The following PCDHGB6 variants were observed in gnomAD, a reference collection of about 807,000 sequenced individuals.
PCDHGB6 encodes the protein protocadherin gamma subfamily B, 6.
PCDHGB6 carries 51 observed loss-of-function variants against 59.1 expected under a neutral mutation model. The observed-to-expected ratio is 0.86, with a 90% CI of 0.69 to 1.09. The LOEUF is 1.09. PCDHGB6 is among the 50% of genes least tolerant of loss of function. PCDHGB6 has a pLI of 0.00. For synonymous variants in PCDHGB6, 466 were observed against 495.1 expected (o/e 0.94, Z 0.78); for missense variants, 1,148 against 1,205.1 (o/e 0.95, Z 0.70).
At position 141,505,629 on chromosome 5, in the gene PCDHGB6, C is replaced by T. The variant is rs1475582931; in HGVS notation, c.2566+148C>T. 7.4e-6 allele frequency: 11 copies of T among 1,482,192 alleles called. No individual in the cohort carries two copies. The African/African-American group carries it at 9.8e-5, about 13-fold the overall frequency. The allele number at this position is 1,482,192 out of a possible 1,614,324, so 91.8% of individuals were successfully genotyped here. ...GTCTGAAAGGACCCACAATTCCAAACATAAAGCCTGGAATTGTGGCTAAGG... is the reference window on the plus strand; with the variant it reads ...GTCTGAAAGGACCCACAATTCCAAATATAAAGCCTGGAATTGTGGCTAAGG... On this transcript the variant is annotated intron_variant, in intron 3 of 3. Coordinates refer to ENST00000520790, the MANE Select transcript of PCDHGB6 (RefSeq NM_018926.3).
intron 1 of PCDHGB6, chr5:141,415,217 GCTTCGAGTCT>G: frequency 2.5e-6 from 4 of 1,614,124 alleles, no homozygotes; most frequent in Non-Finnish European, 3.4e-6. Context: ...GACCTCGGCA[GCTTCGAGTCT>G]CCAGCTAACT....
chr5:141,423,095 A>ACG (rs2096709208), intron 1 of PCDHGB6: 4 of 1,613,860 alleles, frequency 2.5e-6, no homozygotes, highest in African/African-American at 2.7e-5. Flanking sequence ...GTGGGGGAGC[A>ACG]CACGGGCGAG....
At position 141,486,765 on chromosome 5, in the gene PCDHGB6, T is replaced by C; in HGVS notation, c.2419-8042T>C. On this transcript the variant is annotated intron_variant, in intron 1 of 3. Transcript: ENST00000520790. This position sits in a 1 kb window ranked among gnomAD's most constrained non-coding sequence, Gnocchi z 5.0. ...TTTGACTATGAGCAAACCCAGACACTGCAGTTTGAGGTGCAGGCCCGGGAT... is the reference window on the plus strand; with the variant it reads ...TTTGACTATGAGCAAACCCAGACACCGCAGTTTGAGGTGCAGGCCCGGGAT... 4 of 1,614,230 alleles carry C rather than the reference T, an allele frequency of 2.5e-6. No individual in the cohort carries two copies. Among genetic ancestry groups the C allele is most frequent in the Non-Finnish European group, 3.4e-6 (4 of 1,180,038 alleles).
Position 141,410,620 on chromosome 5 carries a change from G to A in PCDHGB6, c.2418G>A (p.Ser806=), listed in dbSNP as rs765125633. 4 of 1,603,524 alleles carry A rather than the reference G, an allele frequency of 2.5e-6. No homozygotes were observed. In the South Asian group the frequency reaches 3.3e-5, roughly 13 times the overall value. The change falls in exon 1 of 4, where the codon TCG becomes TCA. Residue 806 remains serine, a splice_region_variant and synonymous_variant. Coordinates refer to ENST00000520790, the MANE Select transcript of PCDHGB6 (RefSeq NM_018926.3). ...DLTSHPETLT[S]QAPPNTDWRF... The stretch of plus-strand genomic sequence containing the variant: ...CTTCACATCCTGAGACTCTGACTTC[G>A]GTGAGTTTCTCTTTTTTGTGTGTGA...
intron 1 of PCDHGB6, among the ~76,000 whole-genome samples, chr5:141,438,629 TATATATACACAC>T (rs1343412075): frequency 0.05 from 2,378 of 47,602 alleles, 22 homozygotes; most frequent in African/African-American, 0.12. Context: ...TATATATATA[TATATATACACAC>T]ACACACACAC....
intron 1 of PCDHGB6, chr5:141,441,530 A>T (rs2154559371): frequency 5.8e-6 from 1 of 172,118 alleles, no homozygotes; most frequent in Non-Finnish European, 1.2e-5. Flanking sequence ...GCCAAGAACA[A>T]TCTTCCCAAA....
intron 1 of PCDHGB6, among the ~76,000 whole-genome samples, chr5:141,437,250 G>T (rs1191184272): frequency 6.6e-6 from 1 of 152,102 alleles, no homozygotes; most frequent in African/African-American, 2.4e-5. Flanking sequence ...GACTTTCCTT[G>T]TCTTTTTATG....
intron 1 of PCDHGB6, among the ~76,000 whole-genome samples, chr5:141,453,517 C>A (rs1001603927): frequency 1.3e-5 from 2 of 152,062 alleles, no homozygotes; most frequent in African/African-American, 4.8e-5. Flanking sequence ...TCATTCCTCC[C>A]CTATACCTTC....
intron 1 of PCDHGB6, chr5:141,427,831 G>A (rs2097077070): frequency 6.5e-7 from 1 of 1,539,366 alleles, no homozygotes; most frequent in East Asian, 2.2e-5. Context: ...GTCGCGCAGC[G>A]TGCCTTCGAC....
Position 141,432,538 on chromosome 5 carries a change from G to T in PCDHGB6, c.2418+21918G>T, listed in dbSNP as rs200601557. 1 of 1,613,908 alleles carries T rather than the reference G, an allele frequency of 6.2e-7. No individual in the cohort carries two copies. Among genetic ancestry groups the T allele is most frequent in the African/African-American group, 1.3e-5 (1 of 74,936 alleles). Reference sequence around the variant, plus strand: ...GCTACCTGGTGACCAAGGTGGTGGCGGTGGACAGAGACTCCGGCCAGAACG... The same window carrying T: ...GCTACCTGGTGACCAAGGTGGTGGCTGTGGACAGAGACTCCGGCCAGAACG... On this transcript the variant is annotated intron_variant, in intron 1 of 3. Coordinates refer to ENST00000520790, the MANE Select transcript of PCDHGB6 (RefSeq NM_018926.3). This position sits in a 1 kb window ranked among gnomAD's most constrained non-coding sequence, Gnocchi z 6.0.
chr5:141,493,694 G>A lies in PCDHGB6; in HGVS notation c.2419-1113G>A, dbSNP rs929897875. On this transcript the variant is annotated intron_variant, in intron 1 of 3. Transcript: ENST00000520790. This position sits in a 1 kb window ranked among gnomAD's most constrained non-coding sequence, Gnocchi z 4.3. ...CCCCAGAATGGTGCTGGTGACTCCC[G>A]ATACACCTGGAATGCTAGGTTTCTG... Among the ~76,000 whole-genome samples the A allele has an allele frequency of 5.9e-5, 9 of 152,130 alleles. No individual in the cohort carries two copies. Among genetic ancestry groups the A allele is most frequent in the African/African-American group, 9.7e-5 (4 of 41,404 alleles).
chr5:141,426,717 G>A (rs974405285), intron 1 of PCDHGB6: 1 of 446,052 alleles, frequency 2.2e-6, no homozygotes, highest in African/African-American at 2.0e-5. Flanking sequence ...CAATGAACTA[G>A]CAATTCCAGG....
At chr5:141,488,259 C>T (rs1594750656) in intron 1 of PCDHGB6, among the ~76,000 whole-genome samples, 1 of 152,144 alleles carries the variant, frequency 6.6e-6, no homozygotes, top group African/African-American at 2.4e-5. Context: ...AAGGTTGGGG[C>T]GGGTTGGTCA....
chr5:141,503,362 G>A (rs565902559), intron 2 of PCDHGB6, among the ~76,000 whole-genome samples: 32 of 152,054 alleles, frequency 2.1e-4, no homozygotes, highest in African/African-American at 6.5e-4. Context: ...TTTGGGAAGC[G>A]GAGGCAGGTG....
At chr5:141,418,577 C>T (rs1173424447) in intron 1 of PCDHGB6, 2 of 1,614,038 alleles carry the variant, frequency 1.2e-6, no homozygotes, top group South Asian at 1.1e-5. Context: ...TGACAACCCC[C>T]CAGTGTTCAG....
chr5:141,418,916 T>C (rs766021059), intron 1 of PCDHGB6: 26 of 1,613,830 alleles, frequency 1.6e-5, no homozygotes, highest in Non-Finnish European at 1.7e-6. Context: ...CACGTCACTC[T>C]CTGATCAGAT....
At chr5:141,413,129 A>G in intron 1 of PCDHGB6, 2 of 1,536,352 alleles carry the variant, frequency 1.3e-6, no homozygotes, top group East Asian at 2.3e-5. Context: ...GTTGAAACAC[A>G]CAACGTGTCC....
chr5:141,490,317 C>A lies in PCDHGB6; in HGVS notation c.2419-4490C>A, dbSNP rs2233604. ...TATTGGCCTCTTTGGCCAACCCTGT[C>A]CTAGAGAGCACACCAGTGGGCACAG... On this transcript the variant is annotated intron_variant, in intron 1 of 3. Coordinates refer to ENST00000520790, the MANE Select transcript of PCDHGB6 (RefSeq NM_018926.3). The surrounding 1 kb of genome is among the most constrained non-coding windows in gnomAD (Gnocchi z 5.4). 32,069 of 1,614,158 alleles carry A rather than the reference C, an allele frequency of 0.02. 521 individuals carry two copies. Among genetic ancestry groups the A allele is most frequent in the African/African-American group, 0.081 (6,098 of 75,022 alleles).
intron 1 of PCDHGB6, among the ~76,000 whole-genome samples, chr5:141,455,406 CAG>C (rs1306843200): frequency 3.3e-5 from 5 of 152,226 alleles, no homozygotes; most frequent in Non-Finnish European, 5.9e-5. Flanking sequence ...CTTACAGAGA[CAG>C]AGGGAGCGGG....
Sources: allele counts gnomAD v4.1 joint callset (sites outside exome capture counted in the v4.1 genomes callset), GRCh38; gene constraint gnomAD v4.1.1; non-coding constraint Gnocchi (gnomAD v3.1); transcripts MANE v1.5; gene names NCBI Gene and HGNC (gene_info 2026-07-23, HGNC 2026-07-21).